Variants in CHIC1 observed in about 807,000 individuals in gnomAD.
CHIC1 encodes cysteine rich hydrophobic domain 1.
A neutral mutation model predicts 18.5 loss-of-function variants in CHIC1; 7 were observed. The observed-to-expected ratio is 0.38, with a 90% CI of 0.22 to 0.71. CHIC1 has a LOEUF of 0.71. Among genes scored for constraint, CHIC1 ranks in the 30% least tolerant of loss-of-function variants. The probability of loss-of-function intolerance (pLI) is 0.49; values close to 1 mark genes in which losing one functional copy is unlikely to be tolerated. For synonymous variants in CHIC1, 77 were observed against 73.5 expected, an observed-to-expected ratio of 1.05 and a Z score of -0.25; for missense variants, 159 against 176.9, an observed-to-expected ratio of 0.90 and a Z score of 0.57.
chrX:73,676,346 C>A (rs1381044523), intron 3 of CHIC1, among the ~76,000 whole-genome samples: 1 of 112,191 alleles, frequency 8.9e-6, no homozygotes, highest in Non-Finnish European at 1.9e-5. Context: ...TGGATCCATT[C>A]TCCCTGTCAC....
chrX:73,616,873 A>C (rs1398935362), intron 3 of CHIC1, among the ~76,000 whole-genome samples: 1 of 112,106 alleles, frequency 8.9e-6, no homozygotes, highest in Non-Finnish European at 1.9e-5. Flanking sequence ...AGGGGCTTCC[A>C]CAAAGGTCTC....
At chrX:73,676,576 G>T (rs1443767481) in intron 3 of CHIC1, among the ~76,000 whole-genome samples, 3 of 111,694 alleles carry the variant, frequency 2.7e-5, no homozygotes, top group African/African-American at 9.8e-5. Context: ...TTGGTTTTCA[G>T]CTCCATCAGG....
intron 2 of CHIC1, among the ~76,000 whole-genome samples, chrX:73,582,621 A>C (rs2057533190): frequency 9.0e-6 from 1 of 110,667 alleles, no homozygotes; most frequent in Admixed American, 9.6e-5. Flanking sequence ...TTCAGGTGAG[A>C]CTTCATGCAG....
At chrX:73,652,184 T>C (rs1408746908) in intron 3 of CHIC1, among the ~76,000 whole-genome samples, 4 of 111,866 alleles carry the variant, frequency 3.6e-5, no homozygotes, top group African/African-American at 6.5e-5. Flanking sequence ...CTAGCCCATA[T>C]GCAAAAAGCA....
chrX:73,598,598 T>G (rs1157218849), intron 3 of CHIC1, among the ~76,000 whole-genome samples: 1 of 106,660 alleles, frequency 9.4e-6, no homozygotes, highest in Non-Finnish European at 1.9e-5. Context: ...TTTTTGTTCT[T>G]GCGATAGTTT....
At chrX:73,634,427 A>C (rs1318821493) in intron 3 of CHIC1, among the ~76,000 whole-genome samples, 1 of 112,672 alleles carries the variant, frequency 8.9e-6, no homozygotes, top group African/African-American at 3.2e-5. Flanking sequence ...CAAGCCAGCT[A>C]TTAAGATATG....
intron 3 of CHIC1, among the ~76,000 whole-genome samples, chrX:73,615,058 A>G (rs1299935473): frequency 1.8e-5 from 2 of 111,041 alleles, no homozygotes; most frequent in Non-Finnish European, 3.8e-5. Flanking sequence ...AAATGTTTTT[A>G]TGGTGTTGGT....
At chrX:73,642,254 T>C (rs1253325382) in intron 3 of CHIC1, among the ~76,000 whole-genome samples, 9 of 111,475 alleles carry the variant, frequency 8.1e-5, no homozygotes, top group African/African-American at 2.9e-4. Context: ...TTGATTTGCA[T>C]TTCTCTGATG....
At chrX:73,626,542 C>T (rs181062988) in intron 3 of CHIC1, among the ~76,000 whole-genome samples, 38 of 110,380 alleles carry the variant, frequency 3.4e-4, no homozygotes, top group African/African-American at 1.2e-3. Flanking sequence ...CTTCAAAAAG[C>T]TAGTTCTTGC....
At chrX:73,585,773 C>G (rs1228401730) in intron 3 of CHIC1, among the ~76,000 whole-genome samples, 1 of 110,809 alleles carries the variant, frequency 9.0e-6, no homozygotes, top group Non-Finnish European at 1.9e-5. Context: ...TACACTTTGT[C>G]TATTTGTTAA....
Position 73,586,147 on chromosome X carries a change from G to A in CHIC1, c.507+1575G>A, listed in dbSNP as rs144164776. On this transcript the variant is annotated intron_variant, in intron 3 of 5. Transcript: ENST00000373502. Reference sequence around the variant, plus strand: ...AGCCTCTTGTAAAATCTAAAGATCTGGCAATACCGGGCCCACATGGCTATA... The same window carrying A: ...AGCCTCTTGTAAAATCTAAAGATCTAGCAATACCGGGCCCACATGGCTATA... Among the ~76,000 whole-genome samples, 71 of 111,290 alleles carry A rather than the reference G, an allele frequency of 6.4e-4. No homozygotes were observed. In the East Asian group the frequency reaches 0.02, roughly 32 times the overall value.
chrX:73,577,620 T>A (rs1056587249), intron 2 of CHIC1, among the ~76,000 whole-genome samples, 159 bp downstream of exon 2: 3 of 110,995 alleles, frequency 2.7e-5, no homozygotes, highest in African/African-American at 6.5e-5. Flanking sequence ...GCTGTTGCCA[T>A]GGCTACCAGC....
intron 3 of CHIC1, among the ~76,000 whole-genome samples, chrX:73,588,249 T>A (rs1458421268): frequency 9.0e-6 from 1 of 111,042 alleles, no homozygotes; most frequent in East Asian, 2.9e-4. Flanking sequence ...GAGTAAACCT[T>A]GTGATCACTT....
intron 3 of CHIC1, among the ~76,000 whole-genome samples, chrX:73,598,773 A>G: frequency 9.0e-6 from 1 of 110,705 alleles, no homozygotes; most frequent in South Asian, 3.9e-4. Flanking sequence ...GCTATTGTGA[A>G]TAATGCCGCA....
At chrX:73,679,488 G>A (rs762327740) in intron 4 of CHIC1, 106 bp downstream of exon 4, 3 of 581,133 alleles carry the variant, frequency 5.2e-6, no homozygotes. Flanking sequence ...ATGGATTAGA[G>A]AATTAATACT....
chrX:73,645,100 C>T (rs759165447), intron 3 of CHIC1, among the ~76,000 whole-genome samples: 24 of 112,402 alleles, frequency 2.1e-4, no homozygotes, highest in African/African-American at 5.8e-4. Context: ...TGTTCCTATT[C>T]GGCCATCTTG....
intron 3 of CHIC1, among the ~76,000 whole-genome samples, chrX:73,643,830 A>T (rs1023883411): frequency 9.0e-6 from 1 of 111,536 alleles, no homozygotes; most frequent in Non-Finnish European, 1.9e-5. Flanking sequence ...CCTATAGCTC[A>T]GAGTAGTTTG....
chrX:73,641,552 A>G (rs1344535880), intron 3 of CHIC1, among the ~76,000 whole-genome samples: 1 of 110,604 alleles, frequency 9.0e-6, no homozygotes, highest in African/African-American at 3.3e-5. Flanking sequence ...GTTTTAGGGT[A>G]CATGTGCATA....
At chrX:73,651,311 C>T (rs1603348573) in intron 3 of CHIC1, among the ~76,000 whole-genome samples, 4 of 111,150 alleles carry the variant, frequency 3.6e-5, no homozygotes, top group Admixed American at 2.9e-4. Context: ...CCTTTGAAAA[C>T]CGGCACAAGA....
Sources: allele counts gnomAD v4.1 joint callset (sites outside exome capture counted in the v4.1 genomes callset), GRCh38; gene constraint gnomAD v4.1.1; transcripts MANE v1.5; gene names NCBI Gene and HGNC (gene_info 2026-07-23, HGNC 2026-07-21).